Variants in RETREG1 observed in about 807,000 individuals in gnomAD.
RETREG1 encodes the protein family with sequence similarity 134 member B.
In RETREG1, 44 loss-of-function variants were observed where a neutral mutation model predicts 54.8. That is an observed-to-expected ratio of 0.80 (90% CI 0.63 to 1.03). The LOEUF (loss-of-function observed/expected upper bound fraction) is 1.03, where lower values mean the gene tolerates loss of function less well. Ranked by LOEUF, RETREG1 falls within the 50% of genes least tolerant of loss-of-function variation. The probability of loss-of-function intolerance (pLI) is 0.00; values close to 1 mark genes in which losing one functional copy is unlikely to be tolerated. For synonymous variants in RETREG1, 217 were observed against 238.5 expected, an observed-to-expected ratio of 0.91 and a Z score of 0.83; for missense variants, 554 against 605.1, an observed-to-expected ratio of 0.92 and a Z score of 0.89.
intron 3 of RETREG1, among the ~76,000 whole-genome samples, chr5:16,523,349 GA>G (rs1332323128): frequency 2.0e-5 from 3 of 152,124 alleles, no homozygotes; most frequent in Non-Finnish European, 1.5e-5. Context: ...TGTGGTCTAT[GA>G]GAATGGCCTG....
chr5:16,519,608 C>T (rs910863438), intron 3 of RETREG1, among the ~76,000 whole-genome samples: 31 of 152,132 alleles, frequency 2.0e-4, no homozygotes, highest in Admixed American at 1.8e-3. Flanking sequence ...CCAAAATAAC[C>T]AGGACACTCA....
chr5:16,551,972 C>G (rs940992087), intron 3 of RETREG1, among the ~76,000 whole-genome samples: 11 of 152,160 alleles, frequency 7.2e-5, no homozygotes, highest in Non-Finnish European at 1.3e-4. Flanking sequence ...GACCTGCCTC[C>G]TTCCTAAAAG....
At chr5:16,551,901 T>A (rs917188468) in intron 3 of RETREG1, among the ~76,000 whole-genome samples, 4 of 152,118 alleles carry the variant, frequency 2.6e-5, no homozygotes, top group African/African-American at 9.7e-5. Context: ...CCACCTGTTT[T>A]CCTTCACTCA....
intron 3 of RETREG1, among the ~76,000 whole-genome samples, chr5:16,525,388 C>A (rs1366312851): frequency 6.6e-6 from 1 of 152,078 alleles, no homozygotes. Context: ...TTTCTCCCTT[C>A]CCCCCCGCCA....
At chr5:16,531,575 G>A (rs894166099) in intron 3 of RETREG1, among the ~76,000 whole-genome samples, 1 of 152,192 alleles carries the variant, frequency 6.6e-6, no homozygotes, top group Non-Finnish European at 1.5e-5. Context: ...TCCACAGAAT[G>A]AGCACAGGAG....
chr5:16,497,472 C>T lies in RETREG1; in HGVS notation c.459-14000G>A, dbSNP rs189824679. Among the ~76,000 whole-genome samples, 3 of 152,274 alleles carry T rather than the reference C, an allele frequency of 2.0e-5. No homozygotes were observed. In the East Asian group the frequency reaches 5.8e-4, roughly 29 times the overall value. ...GGCTTTCCTCTGATCTTAAAATATC[C>T]CCTGCCTAGCAGTTAACCTGGGCTT... On this transcript the variant is annotated intron_variant, in intron 3 of 8. Transcript: ENST00000306320.
chr5:16,595,667 C>T lies in RETREG1; in HGVS notation c.320+20985G>A, dbSNP rs557409980. ...AACACCTGTTTCAAGTAGATGTGAT[C>T]AAATACAAGCTATTACTACTAAGAG... On this transcript the variant is annotated intron_variant, in intron 1 of 8. Transcript: ENST00000306320. 7.2e-5 allele frequency among the ~76,000 whole-genome samples: 11 copies of T among 152,326 alleles called. No homozygotes were observed. The South Asian group carries it at 2.3e-3, about 32-fold the overall frequency.
chr5:16,495,966 T>C (rs1485097608), intron 3 of RETREG1, among the ~76,000 whole-genome samples: 1 of 152,076 alleles, frequency 6.6e-6, no homozygotes, highest in Non-Finnish European at 1.5e-5. Flanking sequence ...TGCCAATTGA[T>C]TTAGGGCTTC....
chr5:16,612,819 T>A (rs1743386851), intron 1 of RETREG1, among the ~76,000 whole-genome samples: 1 of 152,332 alleles, frequency 6.6e-6, no homozygotes. Context: ...TGCCTGCACG[T>A]CTCGGATTCG....
At chr5:16,486,799 C>A (rs1001841393) in intron 3 of RETREG1, among the ~76,000 whole-genome samples, 1 of 152,186 alleles carries the variant, frequency 6.6e-6, no homozygotes, top group Non-Finnish European at 1.5e-5. Flanking sequence ...TGCCATCATG[C>A]AGGACCAACC....
intron 3 of RETREG1, among the ~76,000 whole-genome samples, chr5:16,541,667 A>G (rs1376731542): frequency 3.3e-5 from 5 of 151,718 alleles, no homozygotes; most frequent in Admixed American, 6.6e-5. Context: ...AGCCTGGGCA[A>G]CAAAGTGAGA....
chr5:16,553,597 A>G (rs1741605807), intron 3 of RETREG1, among the ~76,000 whole-genome samples: 1 of 152,086 alleles, frequency 6.6e-6, no homozygotes, highest in East Asian at 1.9e-4. Flanking sequence ...ATGAATATTC[A>G]TATTTCATTT....
chr5:16,530,047 C>T (rs1204602386), intron 3 of RETREG1, among the ~76,000 whole-genome samples: 1 of 152,248 alleles, frequency 6.6e-6, no homozygotes, highest in Admixed American at 6.5e-5. Context: ...CCGCTCTTCA[C>T]TCTTATGCCT....
intron 1 of RETREG1, among the ~76,000 whole-genome samples, chr5:16,578,433 A>T (rs1404752505): frequency 6.6e-6 from 1 of 152,208 alleles, no homozygotes; most frequent in African/African-American, 2.4e-5. Context: ...TTTAAAAAGT[A>T]ATTGAACAAA....
chr5:16,580,764 A>G, intron 1 of RETREG1, among the ~76,000 whole-genome samples: 1 of 152,182 alleles, frequency 6.6e-6, no homozygotes, highest in East Asian at 1.9e-4. Flanking sequence ...AGGTCTGTGC[A>G]TGTGCGCCAT....
intron 3 of RETREG1, among the ~76,000 whole-genome samples, chr5:16,546,259 C>T (rs11744574): frequency 6.6e-6 from 1 of 152,100 alleles, no homozygotes; most frequent in Non-Finnish European, 1.5e-5. Flanking sequence ...CCTCAAATTC[C>T]TGGGCTTGAG....
intron 1 of RETREG1, among the ~76,000 whole-genome samples, chr5:16,602,434 G>A (rs181940823): frequency 2.0e-5 from 3 of 152,302 alleles, no homozygotes; most frequent in Admixed American, 6.5e-5. Context: ...GGAACTAAGA[G>A]GCGAGTTCCT....
At chr5:16,558,380 G>A (rs184758047) in intron 3 of RETREG1, among the ~76,000 whole-genome samples, 1 of 152,152 alleles carries the variant, frequency 6.6e-6, no homozygotes, top group Non-Finnish European at 1.5e-5. Context: ...AAAGATGCAG[G>A]CCCCTTGACC....
At chr5:16,576,244 T>C (rs900778818) in intron 1 of RETREG1, among the ~76,000 whole-genome samples, 6 of 152,084 alleles carry the variant, frequency 3.9e-5, no homozygotes, top group Admixed American at 3.3e-4. Flanking sequence ...TCATGTAATT[T>C]AATCTGCAAA....
Sources: allele counts gnomAD v4.1 joint callset (sites outside exome capture counted in the v4.1 genomes callset), GRCh38; gene constraint gnomAD v4.1.1; transcripts MANE v1.5; gene names NCBI Gene and HGNC (gene_info 2026-07-23, HGNC 2026-07-21).